CDC42BPA: variants seen among roughly 807,000 people sequenced by gnomAD.
CDC42BPA encodes CDC42 binding protein kinase alpha.
Under a neutral mutation model 223.5 loss-of-function variants are expected in CDC42BPA, and 80 were observed. The observed-to-expected ratio is 0.36, with a 90% CI of 0.30 to 0.43. The LOEUF (loss-of-function observed/expected upper bound fraction) is 0.43, where lower values mean the gene tolerates loss of function less well. Ranked by LOEUF, CDC42BPA falls within the 20% of genes least tolerant of loss-of-function variation. The pLI, the probability that CDC42BPA is intolerant of heterozygous loss-of-function variation, is 1.00. For synonymous variants in CDC42BPA, 694 were observed against 718.6 expected (o/e 0.97, Z 0.55); for missense variants, 1,743 against 2,099.9 (o/e 0.83, Z 3.32).
At position 227,208,971 on chromosome 1, in the gene CDC42BPA, A is replaced by C. The variant is rs771770406; in HGVS notation, c.354+4165T>G. Among the ~76,000 whole-genome samples, 1,509 of 152,064 alleles carry C rather than the reference A, an allele frequency of 9.9e-3. 20 individuals are homozygous for C. The highest frequency in any genetic ancestry group is 0.015 in the Non-Finnish European group (1,018 of 67,990). On this transcript the variant is annotated intron_variant, in intron 3 of 36. Coordinates refer to ENST00000366766, the MANE Select transcript of CDC42BPA (RefSeq NM_001394014.1). ...CAGTATGGCCATTTTCACGATATTG[A>C]TTCTTCCTACCCATGAGCATGGAAT...
rs977170611 is a variant in CDC42BPA, at chr1:227,036,473, G to T, written c.3200-866C>A. Among the ~76,000 whole-genome samples, 6 of 145,642 alleles carry T rather than the reference G, an allele frequency of 4.1e-5. No homozygotes were observed. In the Admixed American group the frequency reaches 4.2e-4, roughly 10 times the overall value. ...AGACGGAGTCTCGCTCTGTCGCCCA[G>T]GCTGGAGTGCGGTGGTGCAATCTCG... On this transcript the variant is annotated intron_variant, in intron 24 of 36. Transcript: ENST00000366766.
chr1:227,277,671 T>C (rs936563273), intron 1 of CDC42BPA, among the ~76,000 whole-genome samples: 2 of 152,180 alleles, frequency 1.3e-5, no homozygotes, highest in Admixed American at 6.5e-5. Flanking sequence ...ATGCAAACAA[T>C]TGATAAAATT....
intron 21 of CDC42BPA, chr1:227,069,060 A>T (rs1677717945): frequency 6.5e-6 from 1 of 154,996 alleles, no homozygotes; most frequent in African/African-American, 2.4e-5. Flanking sequence ...AATTCTTCCC[A>T]CTGGAATGTA....
chr1:227,257,042 T>C (rs1683199258), intron 1 of CDC42BPA, among the ~76,000 whole-genome samples: 1 of 151,626 alleles, frequency 6.6e-6, no homozygotes, highest in African/African-American at 2.4e-5. Flanking sequence ...CGTGCTATAA[T>C]GTGGATAAAT....
rs1480281777 is a variant in CDC42BPA, at chr1:227,250,352, G to A, written c.270+3712C>T. Among the ~76,000 whole-genome samples the A allele has an allele frequency of 2.0e-5, 3 of 152,042 alleles. No homozygotes were observed. The East Asian group carries it at 5.8e-4, about 29-fold the overall frequency. The stretch of plus-strand genomic sequence containing the variant: ...AAAATACAAAAACTAGCCAGGCATG[G>A]TAGTGGGCACTTGTAATCCCAGCTA... On this transcript the variant is annotated intron_variant, in intron 2 of 36. Transcript: ENST00000366766.
intron 19 of CDC42BPA, among the ~76,000 whole-genome samples, chr1:227,073,040 G>T (rs969582304): frequency 6.6e-6 from 1 of 152,048 alleles, no homozygotes; most frequent in African/African-American, 2.4e-5. Flanking sequence ...TCTGGCCTTT[G>T]ATTTGATTAA....
In CDC42BPA at chr1:227,247,921, A is replaced by G. The variant is rs144076509; in HGVS notation, c.270+6143T>C. On this transcript the variant is annotated intron_variant, in intron 2 of 36. Coordinates refer to ENST00000366766, the MANE Select transcript of CDC42BPA (RefSeq NM_001394014.1). ...AACAAACAATAATTTTTAAAAATCA[A>G]GCAGAAATTCTAGAGTTGAAAAACT... Among the ~76,000 whole-genome samples the G allele has an allele frequency of 4.4e-3, 673 of 152,184 alleles. 3 individuals carry two copies. The highest frequency in any genetic ancestry group is 7.3e-3 in the Non-Finnish European group (499 of 68,002).
chr1:227,047,492 G>A (rs1672682107), intron 23 of CDC42BPA, among the ~76,000 whole-genome samples: 1 of 152,102 alleles, frequency 6.6e-6, no homozygotes, highest in South Asian at 2.1e-4. Context: ...GGGAGCTTGA[G>A]ACAAGCAACT....
intron 10 of CDC42BPA, among the ~76,000 whole-genome samples, chr1:227,138,531 A>AAAAAAAAC (rs1468489945): frequency 6.6e-6 from 1 of 151,274 alleles, no homozygotes. Flanking sequence ...AGCCAAAAAA[A>AAAAAAAAC]AAAAAAGAGA....
chr1:227,206,559 T>G (rs1238908543), intron 3 of CDC42BPA, among the ~76,000 whole-genome samples: 1 of 152,160 alleles, frequency 6.6e-6, no homozygotes, highest in Non-Finnish European at 1.5e-5. Context: ...TGCTGCTCAT[T>G]TGTAATTTAT....
intron 6 of CDC42BPA, among the ~76,000 whole-genome samples, chr1:227,156,929 G>A (rs1662928361): frequency 1.3e-5 from 2 of 152,070 alleles, no homozygotes; most frequent in African/African-American, 4.8e-5. Context: ...TCTCAACTCA[G>A]CAACACCACC....
chr1:227,050,674 T>C (rs1673362809), intron 22 of CDC42BPA, among the ~76,000 whole-genome samples: 1 of 151,952 alleles, frequency 6.6e-6, no homozygotes, highest in Non-Finnish European at 1.5e-5. Flanking sequence ...ATGAAAAAAA[T>C]TACAGAAGGA....
chr1:227,153,892 T>C (rs908285866), intron 6 of CDC42BPA, among the ~76,000 whole-genome samples: 1 of 151,914 alleles, frequency 6.6e-6, no homozygotes, highest in African/African-American at 2.4e-5. Context: ...GGGGAAAATA[T>C]GGGTCCTCTG....
At chr1:227,075,982 TTTACATGTTGAACACA>T (rs1312486671) in intron 17 of CDC42BPA, among the ~76,000 whole-genome samples, 7 of 152,330 alleles carry the variant, frequency 4.6e-5, no homozygotes, top group East Asian at 1.9e-4. Context: ...TTGCTTTTTA[TTTACATGTTGAACACA>T]TTACATGTTG....
chr1:227,006,842 C>T (rs1664158419), intron 34 of CDC42BPA, among the ~76,000 whole-genome samples: 1 of 152,024 alleles, frequency 6.6e-6, no homozygotes, highest in Admixed American at 6.6e-5. Context: ...GAGTCTGAGG[C>T]AGGAGAATCA....
rs1017904038 is a variant in CDC42BPA at position 227,208,970 on chromosome 1, G to A, written c.354+4166C>T. On this transcript the variant is annotated intron_variant, in intron 3 of 36. Transcript: ENST00000366766. ...GCAGTATGGCCATTTTCACGATATT[G>A]ATTCTTCCTACCCATGAGCATGGAA... is the stretch of plus-strand genomic sequence containing the variant. Among the ~76,000 whole-genome samples, 27 of 152,002 alleles carry A rather than the reference G, an allele frequency of 1.8e-4. No homozygotes were observed. In the East Asian group the frequency reaches 5.2e-3, roughly 29 times the overall value.
chr1:227,081,456 CTT>C (rs34665842), intron 16 of CDC42BPA, among the ~76,000 whole-genome samples: 19,060 of 145,730 alleles, frequency 0.13, 1,288 homozygotes, highest in East Asian at 0.26. Flanking sequence ...TTCTCTCTCT[CTT>C]TTTTTTTTTT....
intron 1 of CDC42BPA, among the ~76,000 whole-genome samples, chr1:227,282,827 G>A (rs986178289): frequency 6.6e-6 from 1 of 152,170 alleles, no homozygotes; most frequent in Non-Finnish European, 1.5e-5. Flanking sequence ...AGTAGCCAGA[G>A]GGCAAGGTAT....
chr1:227,038,942 T>A (rs553899792), intron 24 of CDC42BPA, among the ~76,000 whole-genome samples: 331 of 152,318 alleles, frequency 2.2e-3, no homozygotes, highest in African/African-American at 7.8e-3. Context: ...TGATAGCACC[T>A]GTTTATAATG....
Sources: gnomAD v4.1 joint callset for allele counts (sites outside exome capture counted in the v4.1 genomes callset) on GRCh38, gnomAD v4.1.1 for gene constraint, MANE v1.5 for transcripts, NCBI Gene and HGNC (gene_info 2026-07-23, HGNC 2026-07-21) for gene names.